The following TM6SF1 variants were observed in gnomAD, a reference collection of about 807,000 sequenced individuals.
The protein encoded by TM6SF1 is transmembrane 6 superfamily member 1.
In TM6SF1, 43 loss-of-function variants were observed where a neutral mutation model predicts 47.1. The ratio of observed to expected loss-of-function variants is 0.91; its 90% confidence interval spans 0.72 to 1.18. The LOEUF (loss-of-function observed/expected upper bound fraction) is 1.18, where lower values mean the gene tolerates loss of function less well. TM6SF1 is among the 50% of genes most tolerant of loss of function. TM6SF1 has a pLI of 0.00. For missense variants in TM6SF1, 390 were observed against 449.0 expected (o/e 0.87, Z 1.19); for synonymous variants, 177 against 166.3 (o/e 1.06, Z -0.49).
chr15:83,125,186 C>T (rs1256150210), intron 7 of TM6SF1, among the ~76,000 whole-genome samples: 2 of 152,158 alleles, frequency 1.3e-5, no homozygotes, highest in Non-Finnish European at 2.9e-5. Flanking sequence ...TTGAGGAAGG[C>T]GTACCAGTTC....
chr15:83,123,480 T>C (rs2035457046), intron 6 of TM6SF1, among the ~76,000 whole-genome samples: 1 of 152,242 alleles, frequency 6.6e-6, no homozygotes, highest in Admixed American at 6.5e-5. Flanking sequence ...TTTACTTTTC[T>C]AGGTATTAGA....
At chr15:83,126,248 T>G (rs2035741911) in intron 7 of TM6SF1, among the ~76,000 whole-genome samples, 1 of 152,160 alleles carries the variant, frequency 6.6e-6, no homozygotes, top group Admixed American at 6.5e-5. Context: ...GGGGACCTAG[T>G]AAAGTGCCAA....
chr15:83,135,103 C>T (rs1837090101), intron 9 of TM6SF1: 1 of 152,174 alleles, frequency 6.6e-6, no homozygotes, highest in African/African-American at 2.4e-5. Context: ...ATACATCATG[C>T]TAATTTAATT....
intron 9 of TM6SF1, chr15:83,129,786 GC>G (rs2036085112): frequency 6.6e-6 from 1 of 152,322 alleles, no homozygotes; most frequent in East Asian, 1.9e-4. Context: ...ATTAGGCTGA[GC>G]CTCTCCAGGG....
At chr15:83,133,515 G>A (rs2036399335) in intron 9 of TM6SF1, 1 of 152,090 alleles carries the variant, frequency 6.6e-6, no homozygotes, top group Admixed American at 6.5e-5. Flanking sequence ...AATTATTTCT[G>A]TAAGGTGAAA....
intron 6 of TM6SF1, among the ~76,000 whole-genome samples, chr15:83,123,479 C>T (rs1218693562): frequency 6.6e-6 from 1 of 152,136 alleles, no homozygotes; most frequent in Non-Finnish European, 1.5e-5. Context: ...TTTTACTTTT[C>T]TAGGTATTAG....
intron 7 of TM6SF1, among the ~76,000 whole-genome samples, chr15:83,126,135 C>G (rs1435114925): frequency 6.6e-6 from 1 of 152,038 alleles, no homozygotes; most frequent in Non-Finnish European, 1.5e-5. Flanking sequence ...CCATTTTTAC[C>G]AACTCTGTCA....
At position 83,113,895 on chromosome 15, in the gene TM6SF1, T is replaced by C. The variant is rs1399319774; in HGVS notation, c.196+995T>C. On this transcript the variant is annotated intron_variant, in intron 2 of 9. Coordinates refer to ENST00000322019, the MANE Select transcript of TM6SF1 (RefSeq NM_023003.5). The stretch of plus-strand genomic sequence containing the variant: ...AGGGCCAAGCCCATCAGCAACAGCA[T>C]AGGGAGCATTCTCTGCCTACAGTGG... 3.9e-5 allele frequency: 6 copies of C among 152,382 alleles called. No homozygotes were observed. In the East Asian group the frequency reaches 9.7e-4, roughly 25 times the overall value. The allele number at this position is 152,382 out of a possible 1,614,324, so 9.4% of individuals were successfully genotyped here. A position where few individuals can be genotyped will look rare whatever the true frequency, so the allele number is the denominator to read the frequency against.
Position 83,136,658 on chromosome 15 carries a change from G to T in TM6SF1, c.1099G>T (p.Glu367Ter). 1 of 1,591,518 alleles carries T rather than the reference G, an allele frequency of 6.3e-7. No individual in the cohort carries two copies. The highest frequency in any genetic ancestry group is 8.5e-7 in the Non-Finnish European group (1 of 1,174,202). Residue 367 changes from glutamate to a stop codon, truncating the protein, a stop_gained, in exon 10 of 10, where the codon GAA (glutamate) becomes TAA (stop). Coordinates refer to ENST00000322019, the MANE Select transcript of TM6SF1 (RefSeq NM_023003.5). LOFTEE classifies it high-confidence loss of function. ...PEFFIKTKAE[E>*]KVE is the part of the protein sequence containing the mutation. Reference sequence around the variant, plus strand: ...GTTCTTCATAAAAACAAAGGCAGAAGAAAAAGTGGAATAAAAATATTACTT... The same window carrying T: ...GTTCTTCATAAAAACAAAGGCAGAATAAAAAGTGGAATAAAAATATTACTT...
At chr15:83,109,008 A>G (rs1044046291) in intron 1 of TM6SF1, among the ~76,000 whole-genome samples, 1 of 152,222 alleles carries the variant, frequency 6.6e-6, no homozygotes, top group South Asian at 2.1e-4. Context: ...AGTTCAGTGA[A>G]GATATACTGA....
intron 1 of TM6SF1, among the ~76,000 whole-genome samples, chr15:83,110,048 C>T (rs758085816): frequency 1.3e-5 from 2 of 152,200 alleles, no homozygotes; most frequent in Non-Finnish European, 2.9e-5. Flanking sequence ...CCCAGGCCAG[C>T]GCCGTGTGCA....
Position 83,127,466 on chromosome 15 carries a change from G to A in TM6SF1, c.910G>A (p.Gly304Ser), listed in dbSNP as rs1294434962. Residue 304 changes from glycine to serine, a missense_variant, in exon 9 of 10, where the codon GGT becomes AGT. Coordinates refer to ENST00000322019, the MANE Select transcript of TM6SF1 (RefSeq NM_023003.5). ...MPDITLIHAGGLAQAQFSHIG... is the reference protein window; with the variant it reads ...MPDITLIHAGSLAQAQFSHIG... The stretch of plus-strand genomic sequence containing the variant: ...TGACATCACATTGATACATGCTGGA[G>A]GTCTGGCTCAGGTACTAAGAATATT... 1.2e-6 allele frequency: 2 copies of A among 1,613,726 alleles called. No individual in the cohort carries two copies. The highest frequency in any genetic ancestry group is 1.7e-6 in the Non-Finnish European group (2 of 1,179,798).
At chr15:83,119,731 G>A in intron 4 of TM6SF1, 50 bp downstream of exon 4, 1 of 1,611,538 alleles carries the variant, frequency 6.2e-7, no homozygotes, top group Non-Finnish European at 8.5e-7. Flanking sequence ...CAACCGATAA[G>A]CGGGTATGTA....
At chr15:83,109,269 C>T (rs950563398) in intron 1 of TM6SF1, among the ~76,000 whole-genome samples, 3 of 152,062 alleles carry the variant, frequency 2.0e-5, no homozygotes, top group African/African-American at 7.2e-5. Flanking sequence ...GAAAATGGAG[C>T]AGTGCAGGGG....
Position 83,107,788 on chromosome 15 carries a change from CGGCGGGGGTCGCGCCGAGG to C in TM6SF1, c.92+22_92+40del. The C allele has an allele frequency of 6.4e-7, 1 of 1,568,340 alleles. No individual in the cohort carries two copies. Among genetic ancestry groups the C allele is most frequent in the Non-Finnish European group, 8.6e-7 (1 of 1,159,710 alleles). On this transcript the variant is annotated intron_variant, in intron 1 of 9. Coordinates refer to ENST00000322019, the MANE Select transcript of TM6SF1 (RefSeq NM_023003.5). This position sits in a 1 kb window ranked among gnomAD's most constrained non-coding sequence, Gnocchi z 5.6. ...CCCAGCATGAGTGAGTGAGCCGGCG[CGGCGGGGGTCGCGCCGAGG>C]GGCGGCGGGAGTTGGCTCGCCGCGA...
intron 3 of TM6SF1, among the ~76,000 whole-genome samples, chr15:83,117,341 G>A (rs2034756946): frequency 6.6e-6 from 1 of 152,168 alleles, no homozygotes; most frequent in Admixed American, 6.5e-5. Context: ...GAGCTCTGAG[G>A]AGCAGTCCTG....
At chr15:83,125,317 G>T (rs1045556641) in intron 7 of TM6SF1, among the ~76,000 whole-genome samples, 1 of 152,148 alleles carries the variant, frequency 6.6e-6, no homozygotes, top group African/African-American at 2.4e-5. Context: ...AGGGCACATG[G>T]GCATTTCATG....
At chr15:83,121,193 C>T (rs2035212270) in intron 4 of TM6SF1, among the ~76,000 whole-genome samples, 1 of 152,086 alleles carries the variant, frequency 6.6e-6, no homozygotes, top group Non-Finnish European at 1.5e-5. Flanking sequence ...GCCTCAGCCT[C>T]CCAAGTAGCT....
rs775994290 is a variant in TM6SF1, at chr15:83,126,889, T to A, written c.801+42T>A. ...GCCTAAGATTTTTCTAAAATTAATT[T>A]TCTTTTTAAAAAATGGGTCCCAGCT... On this transcript the variant is annotated intron_variant, in intron 8 of 9. Coordinates refer to ENST00000322019, the MANE Select transcript of TM6SF1 (RefSeq NM_023003.5). 11 of 1,536,302 alleles carry A rather than the reference T, an allele frequency of 7.2e-6. No individual in the cohort carries two copies. The Admixed American group carries it at 7.2e-5, about 10-fold the overall frequency.
Sources: allele counts gnomAD v4.1 joint callset (sites outside exome capture counted in the v4.1 genomes callset), GRCh38; gene constraint gnomAD v4.1.1; non-coding constraint Gnocchi (gnomAD v3.1); transcripts MANE v1.5; gene names NCBI Gene and HGNC (gene_info 2026-07-23, HGNC 2026-07-21).